DIP2A: variants seen among roughly 807,000 people sequenced by gnomAD.
DIP2A encodes the protein disco-interacting protein 2 homolog A.
A neutral mutation model predicts 177.4 loss-of-function variants in DIP2A; 85 were observed. The observed-to-expected ratio is 0.48, with a 90% CI of 0.40 to 0.57. The LOEUF (loss-of-function observed/expected upper bound fraction) is 0.57, where lower values mean the gene tolerates loss of function less well. Among genes scored for constraint, DIP2A ranks in the 20% least tolerant of loss-of-function variants. DIP2A has a pLI of 0.00. For missense variants in DIP2A, 1,791 were observed against 2,100.2 expected (o/e 0.85, Z 2.88); for synonymous variants, 886 against 881.8 (o/e 1.00, Z -0.08).
In DIP2A at chr21:46,556,299, A is replaced by T. The variant is rs958157630; in HGVS notation, c.3498+208A>T. On this transcript the variant is annotated intron_variant, in intron 29 of 37. Coordinates refer to ENST00000417564, the MANE Select transcript of DIP2A (RefSeq NM_015151.4). The surrounding 1 kb of genome is among the most constrained non-coding windows in gnomAD (Gnocchi z 4.5). Reference sequence around the variant, plus strand: ...ATGCGTTTTCTGATGCATTATGGTTATGTCTAAACTTTCTGATTTATGACT... The same window carrying T: ...ATGCGTTTTCTGATGCATTATGGTTTTGTCTAAACTTTCTGATTTATGACT... 41 of 1,509,174 alleles carry T rather than the reference A, an allele frequency of 2.7e-5. No homozygotes were observed. The highest frequency in any genetic ancestry group is 1.3e-5 in the Non-Finnish European group (14 of 1,118,524). 93.5% of individuals were successfully genotyped at this position (1,509,174 alleles called of 1,614,324 possible). A position where few individuals can be genotyped will look rare whatever the true frequency, so the allele number is the denominator to read the frequency against.
intron 18 of DIP2A, among the ~76,000 whole-genome samples, chr21:46,544,801 A>T (rs971254319): frequency 2.6e-5 from 4 of 152,100 alleles, no homozygotes; most frequent in African/African-American, 9.7e-5. Flanking sequence ...GGCCAGCAGC[A>T]CCCCATGTGG....
intron 1 of DIP2A, among the ~76,000 whole-genome samples, chr21:46,466,527 T>G (rs1945596151): frequency 6.6e-6 from 1 of 152,012 alleles, no homozygotes; most frequent in Admixed American, 6.6e-5. Context: ...TTTTGTATTT[T>G]TAGTAGAGAT....
chr21:46,467,152 C>T (rs370435008), intron 1 of DIP2A, among the ~76,000 whole-genome samples: 1 of 151,808 alleles, frequency 6.6e-6, no homozygotes, highest in Non-Finnish European at 1.5e-5. Context: ...AAAAATCAGC[C>T]GGGCGTGGTG....
intron 1 of DIP2A, among the ~76,000 whole-genome samples, chr21:46,473,919 A>G (rs918397791): frequency 1.3e-5 from 2 of 152,240 alleles, no homozygotes; most frequent in Non-Finnish European, 2.9e-5. Flanking sequence ...ACATTTCTGC[A>G]TAATCTCTTT....
At chr21:46,522,675 C>A (rs925807446) in intron 8 of DIP2A, among the ~76,000 whole-genome samples, 1 of 152,132 alleles carries the variant, frequency 6.6e-6, no homozygotes, top group African/African-American at 2.4e-5. Flanking sequence ...GTTATTACAC[C>A]AGAGCTCTCT....
intron 8 of DIP2A, among the ~76,000 whole-genome samples, chr21:46,519,578 G>C (rs2058730732): frequency 6.6e-6 from 1 of 152,146 alleles, no homozygotes. Context: ...AGCTAAGTCA[G>C]AAAGCATCAG....
At chr21:46,509,938 G>C (rs2058224057) in intron 7 of DIP2A, among the ~76,000 whole-genome samples, 1 of 152,136 alleles carries the variant, frequency 6.6e-6, no homozygotes, top group South Asian at 2.1e-4. Flanking sequence ...GACCAGCCCA[G>C]AGTCTCCTCC....
At chr21:46,473,736 G>A (rs902249121) in intron 1 of DIP2A, among the ~76,000 whole-genome samples, 4 of 151,946 alleles carry the variant, frequency 2.6e-5, no homozygotes, top group African/African-American at 9.7e-5. Flanking sequence ...GGCTGGTCTC[G>A]AACTCCCGAC....
Position 46,557,609 on chromosome 21 carries a change from G to T in DIP2A, c.3654G>T (p.Val1218=). ...LCSVYSGHQS[V]LVPPLELESN... ...GTGTCTACTCGGGACACCAATCAGT[G>T]CTGGTGCCCCCGCTGGAGCTGGAGA... The change falls in exon 31 of 38, where the codon GTG becomes GTT. Residue 1218 remains valine, a synonymous_variant. Transcript: ENST00000417564. This position sits in a 1 kb window ranked among gnomAD's most constrained non-coding sequence, Gnocchi z 6.0. 3 of 1,613,272 alleles carry T rather than the reference G, an allele frequency of 1.9e-6. No homozygotes were observed. The highest frequency in any genetic ancestry group is 2.2e-5 in the South Asian group (2 of 91,040).
intron 1 of DIP2A, among the ~76,000 whole-genome samples, chr21:46,471,962 AC>A (rs2055424972): frequency 6.6e-6 from 1 of 152,248 alleles, no homozygotes; most frequent in Admixed American, 6.5e-5. Flanking sequence ...AGATTTTAGA[AC>A]TTTTTCTGCA....
Position 46,497,044 on chromosome 21 carries a change from C to G in DIP2A, c.340C>G (p.Pro114Ala). The G allele has an allele frequency of 6.2e-7, 1 of 1,613,872 alleles. No homozygotes were observed. The highest frequency in any genetic ancestry group is 8.5e-7 in the Non-Finnish European group (1 of 1,179,824). The part of the protein sequence containing the change: ...ALAKYKERKM[P>A]MPSKRRSVLV... Reference sequence around the variant, plus strand: ...GGCCAAATACAAAGAGAGGAAGATGCCTATGCCTTCGAAGAGACGTTCTGT... The same window carrying G: ...GGCCAAATACAAAGAGAGGAAGATGGCTATGCCTTCGAAGAGACGTTCTGT... Residue 114 changes from proline to alanine, a missense_variant, in exon 4 of 38, where the codon CCT becomes GCT. Physicochemically the swap from Pro to Ala is conservative, Grantham distance 27. Transcript: ENST00000417564.
intron 5 of DIP2A, among the ~76,000 whole-genome samples, chr21:46,502,284 C>T (rs192141739): frequency 3.7e-4 from 53 of 143,442 alleles, no homozygotes; most frequent in Admixed American, 9.9e-4. Flanking sequence ...CACAGGTGTC[C>T]ACCACCATGC....
rs554063270 is a variant in DIP2A at position 46,463,858 on chromosome 21, G to A, written c.91+4636G>A. Among the ~76,000 whole-genome samples, 308 of 151,880 alleles carry A rather than the reference G, an allele frequency of 2.0e-3. 1 individual carries two copies. Among genetic ancestry groups the A allele is most frequent in the African/African-American group, 7.1e-3 (294 of 41,434 alleles). On this transcript the variant is annotated intron_variant, in intron 1 of 37. Coordinates refer to ENST00000417564, the MANE Select transcript of DIP2A (RefSeq NM_015151.4). ...TGAGTAGCTGGGATTACAGGCACAC[G>A]CCATCACGCCTGGCTAGTTTTTTGT...
At chr21:46,467,584 A>AG (rs2054951617) in intron 1 of DIP2A, among the ~76,000 whole-genome samples, 1 of 152,202 alleles carries the variant, frequency 6.6e-6, no homozygotes, top group Non-Finnish European at 1.5e-5. Flanking sequence ...GCCTAGTTTA[A>AG]TAATTATTTC....
intron 18 of DIP2A, 86 bp from the exon 19 acceptor site, chr21:46,545,051 A>C (rs148095889): frequency 2.2e-6 from 3 of 1,369,000 alleles, no homozygotes; most frequent in East Asian, 4.9e-5. Flanking sequence ...TGTTTCCATA[A>C]CCGCACATAC....
intron 28 of DIP2A, 84 bp from the exon 29 acceptor site, chr21:46,555,898 T>C (rs1388584149): frequency 8.9e-6 from 9 of 1,016,810 alleles, no homozygotes; most frequent in Admixed American, 5.1e-5. Flanking sequence ...GGACAAATCA[T>C]GTGTCGCCTC....
intron 2 of DIP2A, among the ~76,000 whole-genome samples, chr21:46,487,781 G>A (rs886558971): frequency 1.8e-4 from 28 of 152,138 alleles, no homozygotes; most frequent in Non-Finnish European, 2.6e-4. Context: ...CGTTAGGATC[G>A]TAAAATCTAT....
At chr21:46,521,289 A>G (rs1367831222) in intron 8 of DIP2A, among the ~76,000 whole-genome samples, 1 of 152,128 alleles carries the variant, frequency 6.6e-6, no homozygotes, top group African/African-American at 2.4e-5. Flanking sequence ...CCTGGGTTCA[A>G]GCAATTCTTC....
At chr21:46,491,747 C>G (rs2057028302) in intron 3 of DIP2A, among the ~76,000 whole-genome samples, 1 of 152,192 alleles carries the variant, frequency 6.6e-6, no homozygotes, top group Non-Finnish European at 1.5e-5. Flanking sequence ...CTCCTTTCTG[C>G]CGCTCCTTAT....
Sources: allele counts gnomAD v4.1 joint callset (sites outside exome capture counted in the v4.1 genomes callset), GRCh38; gene constraint gnomAD v4.1.1; non-coding constraint Gnocchi (gnomAD v3.1); transcripts MANE v1.5; gene names NCBI Gene and HGNC (gene_info 2026-07-23, HGNC 2026-07-21).